Variants in MGAT4C observed in about 807,000 individuals in gnomAD.
MGAT4C encodes the protein MGAT4 family member C, also known as alpha-1,3-mannosyl-glycoprotein 4-beta-N-acetylglucosaminyltransferase C.
In MGAT4C, 19 loss-of-function variants were observed where a neutral mutation model predicts 40.1. That is an observed-to-expected ratio of 0.47 (90% CI 0.33 to 0.70). MGAT4C has a LOEUF of 0.70. MGAT4C is among the 30% of genes least tolerant of loss of function. MGAT4C has a pLI of 0.02. For missense variants in MGAT4C, 491 were observed against 563.2 expected (o/e 0.87, Z 1.30); for synonymous variants, 181 against 187.1 (o/e 0.97, Z 0.27).
chr12:85,979,003 C>T lies in MGAT4C; in HGVS notation c.*286G>A. On this transcript the variant is annotated 3_prime_UTR_variant, in exon 5 of 5. Coordinates refer to ENST00000611864, the MANE Select transcript of MGAT4C (RefSeq NM_001351288.2). Reference sequence around the variant, plus strand: ...CAAATTTTTTTCATTTAAAATCTTTCATATTACCCTTTCGACAATCAGTTG... The same window carrying T: ...CAAATTTTTTTCATTTAAAATCTTTTATATTACCCTTTCGACAATCAGTTG... 1 of 210,754 alleles carries T rather than the reference C, an allele frequency of 4.7e-6. No individual in the cohort carries two copies. Among genetic ancestry groups the T allele is most frequent in the Non-Finnish European group, 9.4e-6 (1 of 106,122 alleles). The allele number at this position is 210,754 out of a possible 1,614,324, so 13.1% of individuals were successfully genotyped here.
chr12:86,427,164 C>T lies in MGAT4C; in HGVS notation c.-120+7993G>A, dbSNP rs1030443161. On this transcript the variant is annotated intron_variant, in intron 3 of 7. Transcript: ENST00000548651. ...TCTTGGAGGGAAAAGTGTGTGTTTC[C>T]CTAAGAGGGGCTGCCTTCTACCTTT... Among the ~76,000 whole-genome samples, 12 of 152,068 alleles carry T rather than the reference C, an allele frequency of 7.9e-5. No homozygotes were observed. The East Asian group carries it at 2.1e-3, about 27-fold the overall frequency.
intron 1 of MGAT4C, among the ~76,000 whole-genome samples, chr12:86,776,523 C>T (rs1045831853): frequency 2.0e-5 from 3 of 151,898 alleles, no homozygotes; most frequent in African/African-American, 7.2e-5. Flanking sequence ...ACTAAACAGC[C>T]TTTTGAGAGG....
At chr12:86,584,367 A>G (rs1046931400) in intron 2 of MGAT4C, among the ~76,000 whole-genome samples, 1 of 150,970 alleles carries the variant, frequency 6.6e-6, no homozygotes, top group Non-Finnish European at 1.5e-5. Flanking sequence ...TTATGTCCTC[A>G]TTGATGCCAC....
At chr12:86,068,835 C>T (rs373783306) in intron 1 of MGAT4C, among the ~76,000 whole-genome samples, 20 of 152,162 alleles carry the variant, frequency 1.3e-4, no homozygotes, top group African/African-American at 4.8e-4. Context: ...CTATGAAAGC[C>T]CAGTAAACCT....
chr12:86,583,962 T>C (rs1448266208), intron 2 of MGAT4C, among the ~76,000 whole-genome samples: 2 of 151,050 alleles, frequency 1.3e-5, no homozygotes, highest in Non-Finnish European at 3.0e-5. Context: ...TAAGTTACTA[T>C]GATACATTTA....
At chr12:86,375,878 C>G (rs1955813518) in intron 3 of MGAT4C, among the ~76,000 whole-genome samples, 1 of 152,020 alleles carries the variant, frequency 6.6e-6, no homozygotes, top group Non-Finnish European at 1.5e-5. Flanking sequence ...AATGGAGAGA[C>G]TATACAACGC....
intron 1 of MGAT4C, among the ~76,000 whole-genome samples, chr12:86,073,459 T>G (rs549125063): frequency 6.6e-6 from 1 of 152,298 alleles, no homozygotes; most frequent in African/African-American, 2.4e-5. Flanking sequence ...TGGAACAGTT[T>G]GGAGAGCCCA....
intron 2 of MGAT4C, among the ~76,000 whole-genome samples, chr12:86,721,011 A>G (rs754100939): frequency 3.3e-5 from 5 of 152,156 alleles, no homozygotes; most frequent in African/African-American, 4.8e-5. Context: ...GGAGGGTAAA[A>G]TTAATCCCAA....
intron 1 of MGAT4C, among the ~76,000 whole-genome samples, chr12:86,809,908 C>A (rs1952438680): frequency 6.6e-6 from 1 of 152,000 alleles, no homozygotes. Context: ...AAAATTCTTT[C>A]TAGCACCTTT....
intron 2 of MGAT4C, among the ~76,000 whole-genome samples, chr12:86,627,160 G>A (rs1331779370): frequency 3.6e-3 from 3 of 826 alleles, no homozygotes; most frequent in Admixed American, 0.11. Context: ...CAGCAAGCCT[G>A]GCTGGGGAGG....
chr12:86,456,876 A>G (rs1016965119), intron 2 of MGAT4C, among the ~76,000 whole-genome samples: 1 of 152,116 alleles, frequency 6.6e-6, no homozygotes, highest in African/African-American at 2.4e-5. Context: ...GCTATCAGAA[A>G]CTTCACCACT....
intron 2 of MGAT4C, among the ~76,000 whole-genome samples, chr12:86,572,425 A>G (rs1289495047): frequency 6.6e-6 from 1 of 151,964 alleles, no homozygotes; most frequent in Non-Finnish European, 1.5e-5. Flanking sequence ...ACTCCCTTAC[A>G]ATTTTATTAA....
chr12:86,111,205 A>G (rs1359290494), intron 1 of MGAT4C, among the ~76,000 whole-genome samples: 1 of 151,842 alleles, frequency 6.6e-6, no homozygotes, highest in Non-Finnish European at 1.5e-5. Context: ...ACAGGTATAA[A>G]AATATAAATG....
At chr12:86,241,958 G>T (rs1951807299) in intron 1 of MGAT4C, among the ~76,000 whole-genome samples, 2 of 151,970 alleles carry the variant, frequency 1.3e-5, no homozygotes, top group Admixed American at 6.6e-5. Flanking sequence ...GGGGAGGGGG[G>T]GAAATTGAGA....
rs576031154 is a variant in MGAT4C at position 86,277,617 on chromosome 12, T to C, written c.-57+56448A>G. On this transcript the variant is annotated intron_variant, in intron 4 of 7. Transcript: ENST00000548651. Reference sequence around the variant, plus strand: ...GTAGTTTCATTCTTCTGCATATGGATATCCAGTTTCCCCAACACCATTTAT... The same window carrying C: ...GTAGTTTCATTCTTCTGCATATGGACATCCAGTTTCCCCAACACCATTTAT... Among the ~76,000 whole-genome samples, 59 of 152,340 alleles carry C rather than the reference T, an allele frequency of 3.9e-4. 1 individual carries two copies. In the South Asian group the frequency reaches 0.011, roughly 27 times the overall value.
intron 1 of MGAT4C, among the ~76,000 whole-genome samples, chr12:86,064,351 G>A (rs1039772223): frequency 8.5e-5 from 13 of 152,132 alleles, no homozygotes; most frequent in Admixed American, 8.5e-4. Flanking sequence ...CTGCACTCCA[G>A]CCTGGGCAAC....
intron 1 of MGAT4C, among the ~76,000 whole-genome samples, chr12:86,082,197 T>C (rs1174378276): frequency 6.6e-6 from 1 of 152,158 alleles, no homozygotes; most frequent in African/African-American, 2.4e-5. Context: ...GAAGACAGTA[T>C]TTCTAAGTCT....
At chr12:86,332,894 A>G (rs541923081) in intron 4 of MGAT4C, among the ~76,000 whole-genome samples, 1 of 152,282 alleles carries the variant, frequency 6.6e-6, no homozygotes, top group African/African-American at 2.4e-5. Flanking sequence ...ATATTAAGTG[A>G]TAGTCAAGTT....
chr12:86,356,817 G>C (rs547222685), intron 3 of MGAT4C, among the ~76,000 whole-genome samples: 1 of 152,218 alleles, frequency 6.6e-6, no homozygotes, highest in South Asian at 2.1e-4. Flanking sequence ...TAAACAAAGT[G>C]GCCAGGAAGC....
Sources: allele counts gnomAD v4.1 joint callset (sites outside exome capture counted in the v4.1 genomes callset), GRCh38; gene constraint gnomAD v4.1.1; transcripts MANE v1.5; gene names NCBI Gene and HGNC (gene_info 2026-07-23, HGNC 2026-07-21).